C9: variants seen among roughly 807,000 people sequenced by gnomAD.
C9 encodes complement C9.
In C9, 63 loss-of-function variants were observed where a neutral mutation model predicts 65.4. That is an observed-to-expected ratio of 0.96 (90% confidence interval 0.79 to 1.19). The LOEUF (loss-of-function observed/expected upper bound fraction) is 1.19. C9 is among the 50% of genes most tolerant of loss of function. The pLI is 0.00. For synonymous variants in C9, 229 were observed against 227.9 expected (o/e 1.00, Z -0.04); for missense variants, 744 against 670.1 (o/e 1.11, Z -1.22).
chr5:39,342,130 C>T lies in C9; in HGVS notation c.144G>A (p.Trp48Ter). 1 of 1,609,842 alleles carries T rather than the reference C, an allele frequency of 6.2e-7. No homozygotes were observed. The highest frequency in any genetic ancestry group is 8.5e-7 in the Non-Finnish European group (1 of 1,176,102). Residue 48 changes from tryptophan (W) to a stop codon, truncating the protein, a stop_gained, in exon 2 of 11, where the codon TGG (tryptophan) becomes TGA (stop). Coordinates refer to ENST00000263408, the MANE Select transcript of C9 (RefSeq NM_001737.5). LOFTEE classifies it high-confidence loss of function. ...ASHIDCRMSP[W>*]SEWSQCDPCL... Reference sequence around the variant, plus strand: ...AAGGATCGCATTGTGACCATTCACTCCAGGGGCTCATTCTGCAGTCTATGT... The same window carrying T: ...AAGGATCGCATTGTGACCATTCACTTCAGGGGCTCATTCTGCAGTCTATGT...
intron 9 of C9, among the ~76,000 whole-genome samples, chr5:39,296,038 T>C (rs898144213): frequency 2.0e-5 from 3 of 151,652 alleles, no homozygotes; most frequent in African/African-American, 7.3e-5. Flanking sequence ...CAACCCAATA[T>C]AGAATACTTT....
intron 9 of C9, among the ~76,000 whole-genome samples, chr5:39,292,769 T>C (rs868511265): frequency 4.0e-5 from 6 of 151,264 alleles, no homozygotes; most frequent in African/African-American, 9.7e-5. Flanking sequence ...TTTGGAAATA[T>C]AGTGTATTTG....
At chr5:39,315,711 ATACT>A (rs1179749625) in intron 6 of C9, 60 bp downstream of exon 6, 5 of 1,205,862 alleles carry the variant, frequency 4.1e-6, no homozygotes, top group Non-Finnish European at 5.9e-6. Flanking sequence ...TTTGCTCAAA[ATACT>A]TAAAGAGTCT....
Position 39,341,161 on chromosome 5 carries a change from C to G in C9, c.461G>C (p.Arg154Pro), listed in dbSNP as rs368001255. 1.1e-5 allele frequency: 17 copies of G among 1,614,050 alleles called. No individual in the cohort carries two copies. Among genetic ancestry groups the G allele is most frequent in the Non-Finnish European group, 2.5e-6 (3 of 1,180,022 alleles). The change falls in exon 4 of 11, where the codon CGA becomes CCA. Residue 154 changes from arginine to proline, a missense_variant. By Grantham distance (103) the Arg-to-Pro change is moderately radical. Transcript: ENST00000263408. The stretch of plus-strand genomic sequence containing the variant: ...AAATACACACCCATAGCCTGCTGTT[C>G]GTGCCAGCTCAGACTCTTCTACCAC... ...DRVVEESELA[R>P]TAGYGINILG...
chr5:39,349,078 G>GAGTTAATGGGTGCAACACACC (rs1469853161), intron 1 of C9, among the ~76,000 whole-genome samples: 6 of 151,650 alleles, frequency 4.0e-5, no homozygotes, highest in Non-Finnish European at 7.4e-5. Flanking sequence ...TGTAAATGAC[G>GAGTTAATGGGTGCAACACACC]AGTTAATGGG....
At chr5:39,320,582 A>C (rs1013042503) in intron 5 of C9, among the ~76,000 whole-genome samples, 15 of 152,176 alleles carry the variant, frequency 9.9e-5, no homozygotes, top group Non-Finnish European at 2.1e-4. Context: ...CAGAAGGAAG[A>C]GAGAAACACA....
At chr5:39,354,772 C>A (rs781007233) in intron 1 of C9, among the ~76,000 whole-genome samples, 1 of 151,926 alleles carries the variant, frequency 6.6e-6, no homozygotes, top group Non-Finnish European at 1.5e-5. Context: ...CCATTGTAAC[C>A]CCCTGCATAG....
intron 8 of C9, among the ~76,000 whole-genome samples, chr5:39,307,950 T>C (rs1282358465): frequency 6.6e-6 from 1 of 152,180 alleles, no homozygotes; most frequent in Non-Finnish European, 1.5e-5. Flanking sequence ...ATGAAGATAC[T>C]TTTTTACTAT....
Position 39,315,858 on chromosome 5 carries a change from A to G in C9, c.787T>C (p.Ser263Pro), listed in dbSNP as rs1161372271. Reference protein sequence around the residue: ...QCCEETASSISLHGKGSFRFS... With the variant: ...QCCEETASSIPLHGKGSFRFS... Reference sequence around the variant, plus strand: ...CGAAAACTACCCTTGCCATGTAAAGAAATTGAGGAGGCTGTTTCCTCACAA... The same window carrying G: ...CGAAAACTACCCTTGCCATGTAAAGGAATTGAGGAGGCTGTTTCCTCACAA... Residue 263 changes from serine to proline, a missense_variant, in exon 6 of 11, where the codon TCT (serine) becomes CCT (proline). Ser to Pro is a moderately conservative substitution (Grantham distance 74). Coordinates refer to ENST00000263408, the MANE Select transcript of C9 (RefSeq NM_001737.5). 1.2e-6 allele frequency: 2 copies of G among 1,612,778 alleles called. No individual in the cohort carries two copies. Among genetic ancestry groups the G allele is most frequent in the African/African-American group, 1.3e-5 (1 of 75,020 alleles).
At chr5:39,294,805 A>G (rs568177236) in intron 9 of C9, among the ~76,000 whole-genome samples, 77 of 152,080 alleles carry the variant, frequency 5.1e-4, no homozygotes, top group Admixed American at 1.2e-3. Context: ...ACATAGATGC[A>G]GAAGTCCTCT....
Position 39,311,172 on chromosome 5 carries a change from A to T in C9, c.1076T>A (p.Ile359Lys). The change falls in exon 7 of 11, where the codon ATA becomes AAA. Residue 359 changes from isoleucine (I) to lysine (K), a missense_variant. Ile to Lys is a moderately radical substitution (Grantham distance 102, BLOSUM62 -3). Transcript: ENST00000263408. The part of the protein sequence containing the change: ...SGSLGGLYEL[I>K]YVLDKASMKR... ...CATGGAAGCTTTATCCAAAACATATATTAGTTCATAGAGTCCTCCTAGAGA... is the reference window on the plus strand; with the variant it reads ...CATGGAAGCTTTATCCAAAACATATTTTAGTTCATAGAGTCCTCCTAGAGA... 1 of 1,613,318 alleles carries T rather than the reference A, an allele frequency of 6.2e-7. No homozygotes were observed. The highest frequency in any genetic ancestry group is 8.5e-7 in the Non-Finnish European group (1 of 1,179,314).
Position 39,322,844 on chromosome 5 carries a change from G to A in C9, c.616-6815C>T, listed in dbSNP as rs1753686432. Reference sequence around the variant, plus strand: ...CACTTACATCACTTAGGTATTCTAAGTAATCTAGAGATGATTTAAATTATA... The same window carrying A: ...CACTTACATCACTTAGGTATTCTAAATAATCTAGAGATGATTTAAATTATA... On this transcript the variant is annotated intron_variant, in intron 5 of 10. Transcript: ENST00000263408. Among the ~76,000 whole-genome samples the A allele has an allele frequency of 2.0e-5, 3 of 152,012 alleles. No individual in the cohort carries two copies. The South Asian group carries it at 6.2e-4, about 31-fold the overall frequency.
At chr5:39,316,067 A>G in intron 5 of C9, 38 bp from the exon 6 acceptor site, 1 of 1,564,738 alleles carries the variant, frequency 6.4e-7, no homozygotes. Flanking sequence ...AAAACAAGAT[A>G]CGAAACAAAA....
chr5:39,342,376 T>G (rs1017380964), intron 1 of C9, among the ~76,000 whole-genome samples, 180 bp from the exon 2 acceptor site: 1 of 152,232 alleles, frequency 6.6e-6, no homozygotes, highest in East Asian at 1.9e-4. Flanking sequence ...ACTCATCTTT[T>G]TGTTAATTCT....
In C9 at chr5:39,341,296, G is replaced by A; in HGVS notation, c.329-3C>T. ...AAGTCGCATCTTTATGCATCTGCCT[G>A]CAATCAAAATCAGGAGAGACTCAAT... On this transcript the variant is annotated splice_region_variant and splice_polypyrimidine_tract_variant and intron_variant, in intron 3 of 10. Transcript: ENST00000263408. The A allele has an allele frequency of 6.2e-7, 1 of 1,613,862 alleles. No homozygotes were observed. The highest frequency in any genetic ancestry group is 8.5e-7 in the Non-Finnish European group (1 of 1,179,788).
In C9 at chr5:39,334,909, G is replaced by T. The variant is rs1051530105; in HGVS notation, c.477-3095C>A. On this transcript the variant is annotated intron_variant, in intron 4 of 10. Coordinates refer to ENST00000263408, the MANE Select transcript of C9 (RefSeq NM_001737.5). Reference sequence around the variant, plus strand: ...AGGTGGGGAAAAGATTGAGAAATCAGATGGTTGCTCTGTCTGTGTAGAAAG... The same window carrying T: ...AGGTGGGGAAAAGATTGAGAAATCATATGGTTGCTCTGTCTGTGTAGAAAG... Among the ~76,000 whole-genome samples the T allele has an allele frequency of 2.0e-5, 3 of 152,030 alleles. No individual in the cohort carries two copies. The East Asian group carries it at 5.8e-4, about 29-fold the overall frequency.
intron 5 of C9, among the ~76,000 whole-genome samples, chr5:39,328,733 G>A (rs926206400): frequency 3.3e-5 from 5 of 152,196 alleles, no homozygotes; most frequent in African/African-American, 1.2e-4. Flanking sequence ...GCATAAATGA[G>A]GGTGAGAGCT....
chr5:39,296,259 C>T (rs1285053693), intron 9 of C9, among the ~76,000 whole-genome samples: 1 of 151,538 alleles, frequency 6.6e-6, no homozygotes. Flanking sequence ...AAAATATTTT[C>T]AAACTATGCA....
chr5:39,342,302 T>C, intron 1 of C9, 106 bp from the exon 2 acceptor site: 1 of 680,480 alleles, frequency 1.5e-6, no homozygotes, highest in South Asian at 1.6e-5. Flanking sequence ...TCTCAAATTA[T>C]ACCACTTATC....
Sources: allele counts gnomAD v4.1 joint callset (sites outside exome capture counted in the v4.1 genomes callset), GRCh38; gene constraint gnomAD v4.1.1; transcripts MANE v1.5; gene names NCBI Gene and HGNC (gene_info 2026-07-23, HGNC 2026-07-21).